Variants in ATP2B4 observed in about 807,000 individuals in gnomAD.
ATP2B4 encodes the protein plasma membrane calcium-transporting ATPase 4.
ATP2B4 carries 39 observed loss-of-function variants against 110.3 expected under a neutral mutation model. The observed-to-expected ratio is 0.35, with a 90% CI of 0.27 to 0.46. The LOEUF is 0.46. Among genes scored for constraint, ATP2B4 ranks in the 20% least tolerant of loss-of-function variants. ATP2B4 has a pLI of 1.00. For synonymous variants in ATP2B4, 538 were observed against 571.7 expected (o/e 0.94, Z 0.84); for missense variants, 1,135 against 1,530.9 (o/e 0.74, Z 4.32).
intron 2 of ATP2B4, among the ~76,000 whole-genome samples, chr1:203,696,996 G>A (rs1044464258): frequency 2.6e-5 from 4 of 152,122 alleles, no homozygotes; most frequent in African/African-American, 9.7e-5. Context: ...GTACTGCGTG[G>A]CATCTGAAAA....
In ATP2B4 at chr1:203,676,471, C is replaced by T. The variant is rs148129260; in HGVS notation, c.-464-6271C>T. 1.5e-3 allele frequency among the ~76,000 whole-genome samples: 232 copies of T among 152,232 alleles called. 4 individuals carry two copies. The highest frequency in any genetic ancestry group is 1.9e-3 in the Non-Finnish European group (132 of 68,008). ...TCACACCTCCGGAGAGAAGGGCTAG[C>T]CAGGGATGTTTTAGGCTAGGCAGCC... On this transcript the variant is annotated intron_variant, in intron 1 of 20. Transcript: ENST00000357681.
intron 20 of ATP2B4, chr1:203,727,821 C>T: frequency 2.1e-6 from 1 of 475,374 alleles, no homozygotes; most frequent in South Asian, 2.4e-5. Flanking sequence ...TCTGGGTTGA[C>T]CCTAAAGCCC....
At chr1:203,722,990 A>G (rs1170035968) in intron 18 of ATP2B4, among the ~76,000 whole-genome samples, 1 of 152,184 alleles carries the variant, frequency 6.6e-6, no homozygotes, top group Non-Finnish European at 1.5e-5. Context: ...CAAAAGAAGT[A>G]TTCTCTTCTA....
At chr1:203,645,475 A>G (rs11240649) in intron 1 of ATP2B4, among the ~76,000 whole-genome samples, 49,908 of 150,470 alleles carry the variant, frequency 0.33, 10,241 homozygotes, top group African/African-American at 0.57. Context: ...GGGTTTTTTT[A>G]TTTTGTTTTG....
At chr1:203,680,469 T>C (rs931326122) in intron 1 of ATP2B4, among the ~76,000 whole-genome samples, 2 of 151,684 alleles carry the variant, frequency 1.3e-5, no homozygotes, top group Non-Finnish European at 2.9e-5. Flanking sequence ...ATTAGCCGGG[T>C]GTGGTGGTGG....
chr1:203,631,887 C>T (rs555870116), intron 1 of ATP2B4, among the ~76,000 whole-genome samples: 6 of 152,164 alleles, frequency 3.9e-5, no homozygotes, highest in South Asian at 2.1e-4. Context: ...CTCTGCCTTC[C>T]GGGTTCAAGC....
intron 17 of ATP2B4, among the ~76,000 whole-genome samples, chr1:203,721,636 TTTA>T (rs1327222582): frequency 6.6e-6 from 1 of 151,662 alleles, no homozygotes; most frequent in East Asian, 1.9e-4. Flanking sequence ...CAAGGGAGGC[TTTA>T]TTATTTCTTT....
At chr1:203,736,920 T>G (rs897457177) in intron 20 of ATP2B4, among the ~76,000 whole-genome samples, 2 of 152,210 alleles carry the variant, frequency 1.3e-5, no homozygotes. Flanking sequence ...CCCTCACCCT[T>G]CTCTCCACCC....
Position 203,727,547 on chromosome 1 carries a change from G to A in ATP2B4, c.3285G>A (p.Arg1095=), listed in dbSNP as rs1162721151. 11 of 1,614,022 alleles carry A rather than the reference G, an allele frequency of 6.8e-6. No individual in the cohort carries two copies. The highest frequency in any genetic ancestry group is 3.3e-4 in the Middle Eastern group (2 of 5,990). ...ELRRGQILWF[R]GLNRIQTQIK... is the part of the protein sequence containing the mutation. ...GCCGAGGCCAGATCCTCTGGTTCCG[G>A]GGCCTGAACCGTATCCAGACTCAGG... Residue 1095 remains arginine (R), a synonymous_variant, in exon 20 of 21, where the codon CGG becomes CGA. Transcript: ENST00000357681.
chr1:203,714,466 A>C (rs1020783760), intron 15 of ATP2B4, among the ~76,000 whole-genome samples, 189 bp downstream of exon 15: 1 of 152,164 alleles, frequency 6.6e-6, no homozygotes. Flanking sequence ...AGTATGAAGA[A>C]TAGATAAGAG....
intron 8 of ATP2B4, among the ~76,000 whole-genome samples, chr1:203,705,908 T>A (rs1266688741): frequency 6.6e-6 from 1 of 152,222 alleles, no homozygotes; most frequent in Non-Finnish European, 1.5e-5. Flanking sequence ...GTCCTGGCCC[T>A]AATCAAGCAA....
At chr1:203,704,526 G>C (rs1458077494) in intron 8 of ATP2B4, among the ~76,000 whole-genome samples, 3 of 129,048 alleles carry the variant, frequency 2.3e-5, no homozygotes, top group Admixed American at 8.8e-5. Flanking sequence ...TGTTGCCCAG[G>C]ATGGAGTGCA....
intron 1 of ATP2B4, among the ~76,000 whole-genome samples, chr1:203,663,763 C>A (rs1382056720): frequency 1.3e-5 from 2 of 152,260 alleles, no homozygotes; most frequent in African/African-American, 2.4e-5. Context: ...TGCTACCACA[C>A]CCAGCTAATT....
intron 4 of ATP2B4, 148 bp from the exon 5 acceptor site, chr1:203,700,056 TAA>T (rs1326883276): frequency 3.0e-6 from 3 of 991,536 alleles, no homozygotes; most frequent in African/African-American, 1.6e-5. Context: ...TGAAGACTTG[TAA>T]AGAGTCTCCA....
rs1558033816 is a variant in ATP2B4 at position 203,686,683 on chromosome 1, TTC to T, written c.193+3287_193+3288del. Reference sequence around the variant, plus strand: ...GTCCTGGTGTTTTTCTTTCTTTTCTTTCTTTTTTTTTTTTTTTTTTTTTTTTT... The same window carrying T: ...GTCCTGGTGTTTTTCTTTCTTTTCTTTTTTTTTTTTTTTTTTTTTTTTTTT... On this transcript the variant is annotated intron_variant, in intron 2 of 20. Coordinates refer to ENST00000357681, the MANE Select transcript of ATP2B4 (RefSeq NM_001684.5). Among the ~76,000 whole-genome samples, 102 of 116,802 alleles carry T rather than the reference TTC, an allele frequency of 8.7e-4. 3 individuals are homozygous for T. In the East Asian group the frequency reaches 0.014, roughly 16 times the overall value. 76.6% of individuals were successfully genotyped at this position (116,802 alleles called of 152,430 possible).
At chr1:203,636,539 G>A (rs779025832) in intron 1 of ATP2B4, among the ~76,000 whole-genome samples, 7 of 152,148 alleles carry the variant, frequency 4.6e-5, no homozygotes, top group Non-Finnish European at 8.8e-5. Context: ...CTGAAAGAGC[G>A]GGAGCCAGGA....
At chr1:203,700,750 T>G in intron 5 of ATP2B4, 48 bp from the exon 6 acceptor site, 2 of 1,608,248 alleles carry the variant, frequency 1.2e-6, no homozygotes, top group East Asian at 4.5e-5. Flanking sequence ...AAATCATGTC[T>G]AGGTATTAAA....
At chr1:203,709,606 A>G in intron 11 of ATP2B4, 64 bp downstream of exon 11, 1 of 1,601,672 alleles carries the variant, frequency 6.2e-7, no homozygotes, top group South Asian at 1.1e-5. Flanking sequence ...ATGGGTGCAC[A>G]CCCCACACTG....
At position 203,727,589 on chromosome 1, in the gene ATP2B4, T is replaced by C; in HGVS notation, c.3309+18T>C. 6.2e-7 allele frequency: 1 copy of C among 1,611,652 alleles called. No individual in the cohort carries two copies. Among genetic ancestry groups the C allele is most frequent in the South Asian group, 1.1e-5 (1 of 90,856 alleles). ...AGACTCAGGTACTCTGATAGTGGTC[T>C]GTCCTTCCCTTGGGAGAAGCAGCTT... is the stretch of plus-strand genomic sequence containing the variant. On this transcript the variant is annotated intron_variant, in intron 20 of 20. Transcript: ENST00000357681.
Sources: allele counts gnomAD v4.1 joint callset (sites outside exome capture counted in the v4.1 genomes callset), GRCh38; gene constraint gnomAD v4.1.1; transcripts MANE v1.5; gene names NCBI Gene and HGNC (gene_info 2026-07-23, HGNC 2026-07-21).